KSR2: variants seen among roughly 807,000 people sequenced by gnomAD.
KSR2 encodes kinase suppressor of ras 2.
A neutral mutation model predicts 107.8 loss-of-function variants in KSR2; 25 were observed. That is an observed-to-expected ratio of 0.23 (90% CI 0.17 to 0.32). The LOEUF is 0.32. Ranked by LOEUF, KSR2 falls within the 10% of genes least tolerant of loss-of-function variation. KSR2 has a pLI of 1.00. For missense variants in KSR2, 887 were observed against 1,268.9 expected, an observed-to-expected ratio of 0.70 and a Z score of 4.57; for synonymous variants, 480 against 507.0, an observed-to-expected ratio of 0.95 and a Z score of 0.71.
chr12:117,840,426 T>G (rs1053374508), intron 3 of KSR2, among the ~76,000 whole-genome samples: 1 of 151,890 alleles, frequency 6.6e-6, no homozygotes. Flanking sequence ...GATGGAATCT[T>G]GCTCTGTTGC....
intron 5 of KSR2, among the ~76,000 whole-genome samples, chr12:117,630,252 C>T (rs960468652): frequency 3.2e-4 from 49 of 152,056 alleles, no homozygotes; most frequent in Non-Finnish European, 3.7e-4. Context: ...TGTAGGTGCT[C>T]GATGCTCAAT....
intron 5 of KSR2, among the ~76,000 whole-genome samples, chr12:117,664,956 G>A (rs1275957575): frequency 2.0e-5 from 3 of 152,050 alleles, no homozygotes; most frequent in Non-Finnish European, 2.9e-5. Flanking sequence ...AGAGCTTCTC[G>A]TTTCCCAAAC....
At chr12:117,711,628 G>A (rs1886785708) in intron 4 of KSR2, among the ~76,000 whole-genome samples, 1 of 152,202 alleles carries the variant, frequency 6.6e-6, no homozygotes. Flanking sequence ...AGGAAGACAG[G>A]AGTCTGGGAT....
intron 7 of KSR2, among the ~76,000 whole-genome samples, chr12:117,575,692 T>A (rs1389253224): frequency 6.6e-6 from 1 of 152,252 alleles, no homozygotes; most frequent in African/African-American, 2.4e-5. Flanking sequence ...GCAAGCACCA[T>A]GTCAAAACTC....
In KSR2 at chr12:117,476,452, G is replaced by A; in HGVS notation, c.2582+12C>T. 6.3e-7 allele frequency: 1 copy of A among 1,588,454 alleles called. No individual in the cohort carries two copies. Among genetic ancestry groups the A allele is most frequent in the Non-Finnish European group, 8.6e-7 (1 of 1,166,930 alleles). ...GCTGTGGCTCTCAATGGCCAGGGCA[G>A]GGCCCACTTACCCAAGGGCAAAGAC... On this transcript the variant is annotated intron_variant, in intron 17 of 19. Transcript: ENST00000339824.
chr12:117,571,698 A>T (rs1032172995), intron 7 of KSR2, among the ~76,000 whole-genome samples: 2 of 152,130 alleles, frequency 1.3e-5, no homozygotes, highest in African/African-American at 4.8e-5. Flanking sequence ...GGTCCTAGGG[A>T]AGAATAAGGC....
At chr12:117,511,283 T>G (rs1874010028) in intron 14 of KSR2, among the ~76,000 whole-genome samples, 1 of 152,220 alleles carries the variant, frequency 6.6e-6, no homozygotes, top group African/African-American at 2.4e-5. Context: ...AACATTTCTT[T>G]CCAGTTCAAA....
chr12:117,942,319 C>T (rs1244214690), intron 1 of KSR2, among the ~76,000 whole-genome samples: 2 of 152,058 alleles, frequency 1.3e-5, no homozygotes, highest in Admixed American at 6.6e-5. Flanking sequence ...ATCAAACACT[C>T]GATCTTATTC....
At chr12:117,598,344 G>T (rs1220611085) in intron 5 of KSR2, among the ~76,000 whole-genome samples, 3 of 152,122 alleles carry the variant, frequency 2.0e-5, no homozygotes, top group Admixed American at 6.5e-5. Context: ...AGTATTCCAT[G>T]GTGTATATAC....
chr12:117,487,750 A>G (rs1872542951), intron 14 of KSR2, among the ~76,000 whole-genome samples: 1 of 152,044 alleles, frequency 6.6e-6, no homozygotes. Flanking sequence ...GAAAGTCTCA[A>G]GCTTCAGATT....
chr12:117,591,563 C>A (rs556417522), intron 5 of KSR2, among the ~76,000 whole-genome samples: 290 of 152,128 alleles, frequency 1.9e-3, no homozygotes, highest in African/African-American at 6.6e-3. Flanking sequence ...GTGGTGAGGG[C>A]ACTGCACCAA....
rs1339999341 is a variant in KSR2 at position 117,466,951 on chromosome 12, A to T, written c.*248T>A. 2.2e-6 allele frequency: 1 copy of T among 447,364 alleles called. No individual in the cohort carries two copies. Among genetic ancestry groups the T allele is most frequent in the African/African-American group, 2.0e-5 (1 of 48,954 alleles). 27.7% of individuals were successfully genotyped at this position (447,364 alleles called of 1,614,324 possible). A position where few individuals can be genotyped will look rare whatever the true frequency, so the allele number is the denominator to read the frequency against. ...TAGTGCTGTCCCCTGGGCCGCACTG[A>T]TCAATAACGCATCACCCTGGCTGGT... On this transcript the variant is annotated 3_prime_UTR_variant, in exon 20 of 20. Transcript: ENST00000339824.
At chr12:117,514,517 G>A (rs1468343877) in intron 14 of KSR2, among the ~76,000 whole-genome samples, 1 of 148,610 alleles carries the variant, frequency 6.7e-6, no homozygotes, top group Non-Finnish European at 1.5e-5. Context: ...CCTTTAAGAT[G>A]TCTTTGGTTT....
intron 1 of KSR2, among the ~76,000 whole-genome samples, chr12:117,941,088 A>AT (rs1895990898): frequency 6.6e-6 from 1 of 152,090 alleles, no homozygotes; most frequent in African/African-American, 2.4e-5. Context: ...GTGTCTCAAA[A>AT]AAATAATAAT....
At chr12:117,618,836 A>G (rs543529088) in intron 5 of KSR2, among the ~76,000 whole-genome samples, 2 of 152,298 alleles carry the variant, frequency 1.3e-5, no homozygotes, top group African/African-American at 4.8e-5. Flanking sequence ...GAAATCACTC[A>G]GTCTCGGATA....
At chr12:117,539,593 G>T (rs1255863595) in intron 10 of KSR2, 126 bp downstream of exon 10, 5 of 863,016 alleles carry the variant, frequency 5.8e-6, no homozygotes, top group Non-Finnish European at 1.7e-6. Flanking sequence ...GCCCCTCTCT[G>T]GTCATTGACC....
intron 3 of KSR2, among the ~76,000 whole-genome samples, chr12:117,803,982 A>G (rs1430256001): frequency 3.3e-5 from 5 of 152,182 alleles, no homozygotes; most frequent in Admixed American, 3.3e-4. Flanking sequence ...TTAACAAACT[A>G]TAGTCCATGG....
chr12:117,625,626 C>T (rs879209507), intron 5 of KSR2, among the ~76,000 whole-genome samples: 2 of 152,038 alleles, frequency 1.3e-5, no homozygotes, highest in Non-Finnish European at 2.9e-5. Context: ...TGAGGATTTT[C>T]GCATTGATGT....
intron 1 of KSR2, among the ~76,000 whole-genome samples, chr12:117,956,151 A>G (rs551277357): frequency 1.4e-3 from 207 of 147,728 alleles, no homozygotes; most frequent in Middle Eastern, 0.01. Context: ...TCGGGAGGCT[A>G]AGGCAGGAGA....
Sources: allele counts gnomAD v4.1 joint callset (sites outside exome capture counted in the v4.1 genomes callset), GRCh38; gene constraint gnomAD v4.1.1; transcripts MANE v1.5; gene names NCBI Gene and HGNC (gene_info 2026-07-23, HGNC 2026-07-21).